Variants in TTN observed in about 807,000 individuals in gnomAD.
TTN encodes the protein connectin.
A neutral mutation model predicts 3,223.0 loss-of-function variants in TTN; 1,525 were observed. That is an observed-to-expected ratio of 0.47 (90% CI 0.45 to 0.49). The LOEUF is 0.49. Ranked by LOEUF, TTN falls within the 20% of genes least tolerant of loss-of-function variation. TTN has a pLI of 0.00. For synonymous variants in TTN, 14,094 were observed against 15,161.0 expected (o/e 0.93, Z 5.17); for missense variants, 40,786 against 43,424.0 (o/e 0.94, Z 5.40).
rs1005851436 is a variant in TTN at position 178,768,567 on chromosome 2, G to T, written c.9163+106C>A. Reference sequence around the variant, plus strand: ...TTTTATTGCTGAATGATATCCCATCGTATGGCTATCCCACATTTTATTTAT... The same window carrying T: ...TTTTATTGCTGAATGATATCCCATCTTATGGCTATCCCACATTTTATTTAT... On this transcript the variant is annotated intron_variant, in intron 38 of 362. Coordinates refer to ENST00000589042, the MANE Select transcript of TTN (RefSeq NM_001267550.2). 3.3e-6 allele frequency: 5 copies of T among 1,502,306 alleles called. No individual in the cohort carries two copies. In the South Asian group the frequency reaches 6.0e-5, roughly 18 times the overall value. 93.1% of individuals were successfully genotyped at this position (1,502,306 alleles called of 1,614,324 possible). A position where few individuals can be genotyped will look rare whatever the true frequency, so the allele number is the denominator to read the frequency against.
At position 178,715,222 on chromosome 2, in the gene TTN, A is replaced by G. The variant is rs759578526; in HGVS notation, c.25964T>C (p.Leu8655Pro). 2 of 1,613,534 alleles carry G rather than the reference A, an allele frequency of 1.2e-6. No homozygotes were observed. Among genetic ancestry groups the G allele is most frequent in the Non-Finnish European group, 1.7e-6 (2 of 1,179,642 alleles). The change falls in exon 90 of 363, where the codon CTG (leucine) becomes CCG (proline). Residue 8655 changes from leucine (L) to proline (P), a missense_variant. Physicochemically the swap from Leu to Pro is moderately conservative, Grantham distance 98. Transcript: ENST00000589042. ...FRKKPHPIET[L>P]KGADVHLECE... ...TTCAAGGTGAACATCAGCTCCTTTC[A>G]GTGTCTCTATAGGATGAGGCTTTTT...
Position 178,785,889 on chromosome 2 carries a change from T to C in TTN, c.2329A>G (p.Ile777Val). Reference sequence around the variant, plus strand: ...ATTCCCTTTTGATCAGTAGTTTTGATATGAGTCTCAGAAGGAGCCTGGATT... The same window carrying C: ...ATTCCCTTTTGATCAGTAGTTTTGACATGAGTCTCAGAAGGAGCCTGGATT... ...RVIQAPSETH[I>V]KTTDQKGMHI... The change falls in exon 14 of 363, where the codon ATC becomes GTC. Residue 777 changes from isoleucine to valine, a missense_variant. Physicochemically the swap from Ile to Val is conservative, Grantham distance 29. Coordinates refer to ENST00000589042, the MANE Select transcript of TTN (RefSeq NM_001267550.2). 1 of 1,614,130 alleles carries C rather than the reference T, an allele frequency of 6.2e-7. No homozygotes were observed. The highest frequency in any genetic ancestry group is 1.3e-5 in the African/African-American group (1 of 75,062).
chr2:178,527,148 A>T lies in TTN; in HGVS notation c.107840T>A (p.Ile35947Asn), dbSNP rs281864928. 18 of 1,613,844 alleles carry T rather than the reference A, an allele frequency of 1.1e-5. No homozygotes were observed. The highest frequency in any genetic ancestry group is 1.5e-5 in the Non-Finnish European group (18 of 1,179,890). ...GGTTGTCAGGTCATCTGTGTTTTCA[A>T]TGTGGAACCTCCCCTGTTCTTGACT... ...IHSQEQGRFH[I>N]ENTDDLTTLI... The change falls in exon 363 of 363, where the codon ATT becomes AAT. Residue 35947 changes from isoleucine (I) to asparagine (N), a missense_variant. Coordinates refer to ENST00000589042, the MANE Select transcript of TTN (RefSeq NM_001267550.2).
At chr2:178,619,114 A>G in intron 250 of TTN, 1 of 524,504 alleles carries the variant, frequency 1.9e-6, no homozygotes, top group South Asian at 2.4e-5. Flanking sequence ...ATAGTAACAT[A>G]GGACTCAGTG....
intron 34 of TTN, 27 bp from the exon 35 acceptor site, chr2:178,770,702 G>T: frequency 6.2e-7 from 1 of 1,604,192 alleles, no homozygotes; most frequent in Non-Finnish European, 8.5e-7. Context: ...GATTGGGTTA[G>T]AAAATATAGA....
chr2:178,745,871 A>C (rs934903781), intron 47 of TTN: 22 of 1,612,538 alleles, frequency 1.4e-5, no homozygotes, highest in Non-Finnish European at 1.9e-5. Flanking sequence ...AGGCCCTTCC[A>C]CCACCTGAAA....
rs532561921 is a variant in TTN at position 178,796,660 on chromosome 2, G to T, written c.915-1408C>A. On this transcript the variant is annotated intron_variant, in intron 6 of 362. Coordinates refer to ENST00000589042, the MANE Select transcript of TTN (RefSeq NM_001267550.2). ...TCCACTAACTGAAGAAAAGCAAAGA[G>T]ACATGTGCTTTTAAGTTTCACCCTG... Among the ~76,000 whole-genome samples, 3 of 152,264 alleles carry T rather than the reference G, an allele frequency of 2.0e-5. No homozygotes were observed. The South Asian group carries it at 6.2e-4, about 32-fold the overall frequency.
rs370960330 is a variant in TTN, at chr2:178,664,533, C to T, written c.36207G>A (p.Pro12069=). 3.0e-5 allele frequency: 48 copies of T among 1,611,078 alleles called. No individual in the cohort carries two copies. The highest frequency in any genetic ancestry group is 6.7e-5 in the East Asian group (3 of 44,866). Residue 12069 remains proline, a synonymous_variant, in exon 168 of 363, where the codon CCG becomes CCA. Coordinates refer to ENST00000589042, the MANE Select transcript of TTN (RefSeq NM_001267550.2). ...RKPEVLPDEV[P]EALREVVPEK... is the part of the protein sequence containing the mutation. Reference sequence around the variant, plus strand: ...CCGGGACAACTTCTCTGAGAGCCTCCGGCACTTTGAAGATATTAATAATTT... The same window carrying T: ...CCGGGACAACTTCTCTGAGAGCCTCTGGCACTTTGAAGATATTAATAATTT...
In TTN at chr2:178,558,224, T is replaced by C. The variant is rs1702249366; in HGVS notation, c.87130A>G (p.Ile29044Val). 1 of 1,605,280 alleles carries C rather than the reference T, an allele frequency of 6.2e-7. No homozygotes were observed. The highest frequency in any genetic ancestry group is 1.3e-5 in the African/African-American group (1 of 74,256). Reference sequence around the variant, plus strand: ...TGACTTGGGAAATTCTTCATATCAATTTCAGGTGGTTCTGAAAAATGAGTA... The same window carrying C: ...TGACTTGGGAAATTCTTCATATCAACTTCAGGTGGTTCTGAAAAATGAGTA... The part of the protein sequence containing the change: ...LIKEQLEPPE[I>V]DMKNFPSHTV... The change falls in exon 328 of 363, where the codon ATT (isoleucine) becomes GTT (valine). Residue 29044 changes from isoleucine (I) to valine (V), a missense_variant. Transcript: ENST00000589042.
chr2:178,794,327 T>C (rs1036906977), intron 8 of TTN, 72 bp downstream of exon 8: 3 of 1,602,590 alleles, frequency 1.9e-6, no homozygotes, highest in African/African-American at 2.7e-5. Context: ...CCAAGCTCAG[T>C]GGATGGTGGT....
Position 178,749,402 on chromosome 2 carries a change from A to AT in TTN, c.11311+3721dup, listed in dbSNP as rs397517806. ...TGAAGCACCATGCACAAATCTGGGA[A>AT]TTTTTTCTCTAGAAGGTATGCAACG... On this transcript the variant is annotated intron_variant, in intron 47 of 362. Coordinates refer to ENST00000589042, the MANE Select transcript of TTN (RefSeq NM_001267550.2). 8.1e-6 allele frequency: 13 copies of AT among 1,612,850 alleles called. No individual in the cohort carries two copies. Among genetic ancestry groups the AT allele is most frequent in the Middle Eastern group, 3.3e-4 (2 of 6,074 alleles).
At chr2:178,559,028 T>C (rs1702604886) in intron 326 of TTN, 2 of 284,362 alleles carry the variant, frequency 7.0e-6, no homozygotes, top group Non-Finnish European at 1.3e-5. Context: ...TCTGTGTATA[T>C]ATATATATAA....
Position 178,527,124 on chromosome 2 carries a change from G to T in TTN, c.107864C>A (p.Thr35955Asn), listed in dbSNP as rs370267738. The change falls in exon 363 of 363, where the codon ACC becomes AAC. Residue 35955 changes from threonine to asparagine, a missense_variant. Transcript: ENST00000589042. ...TTTCTGTACGTCCATGATGATCAGGGTTGTCAGGTCATCTGTGTTTTCAAT... is the reference window on the plus strand; with the variant it reads ...TTTCTGTACGTCCATGATGATCAGGTTTGTCAGGTCATCTGTGTTTTCAAT... Reference protein sequence around the residue: ...FHIENTDDLTTLIIMDVQKQD... With the variant: ...FHIENTDDLTNLIIMDVQKQD... 7.4e-6 allele frequency: 12 copies of T among 1,613,842 alleles called. No homozygotes were observed. Among genetic ancestry groups the T allele is most frequent in the Admixed American group, 1.7e-5 (1 of 59,996 alleles).
intron 132 of TTN, 48 bp downstream of exon 132, chr2:178,684,282 G>A (rs760275275): frequency 5.5e-5 from 87 of 1,581,986 alleles, no homozygotes; most frequent in Non-Finnish European, 7.5e-5. Context: ...ATTTGGTAAA[G>A]AGAGTAGGGC....
chr2:178,603,953 C>G lies in TTN; in HGVS notation c.54734G>C (p.Arg18245Thr). 2 of 1,612,632 alleles carry G rather than the reference C, an allele frequency of 1.2e-6. No individual in the cohort carries two copies. The highest frequency in any genetic ancestry group is 2.2e-5 in the East Asian group (1 of 44,740). ...TCCTGCAGCATTTATTGCCATGGCT[C>G]TGAACTGGTATTTAACGCCTTCAAG... ...RLLEGVKYQF[R>T]AMAINAAGIG... is the part of the protein sequence containing the mutation. Residue 18245 changes from arginine to threonine, a missense_variant, in exon 282 of 363, where the codon AGA (arginine) becomes ACA (threonine). Transcript: ENST00000589042.
rs368391123 is a variant in TTN at position 178,775,450 on chromosome 2, T to C, written c.6414A>G (p.Ile2138Met). ...WPEDNVCELV[I>M]RDVTAEDSAS... ...CAGAGTCCTCAGCAGTCACATCTCT[T>C]ATGACCAATTCACAAACATTGTCTT... The change falls in exon 28 of 363, where the codon ATA becomes ATG. Residue 2138 changes from isoleucine to methionine, a missense_variant. Transcript: ENST00000589042. The C allele has an allele frequency of 1.9e-6, 3 of 1,613,922 alleles. No individual in the cohort carries two copies. In the African/African-American group the frequency reaches 4.0e-5, roughly 22 times the overall value.
intron 111 of TTN, among the ~76,000 whole-genome samples, chr2:178,699,906 T>C (rs547095657): frequency 1.4e-5 from 2 of 145,644 alleles, no homozygotes; most frequent in African/African-American, 5.1e-5. Context: ...TTTTTGTATT[T>C]TTAGTAGAGA....
Position 178,556,843 on chromosome 2 carries a change from C to T in TTN, c.88306+5G>A. ...ATTTTGATTCAAAGTGCTAAGCATG[C>T]TTACCATAAGAATCGATGCAAGTAA... On this transcript the variant is annotated splice_donor_5th_base_variant and intron_variant, in intron 330 of 362. Transcript: ENST00000589042. 1 of 1,612,970 alleles carries T rather than the reference C, an allele frequency of 6.2e-7. No homozygotes were observed. Among genetic ancestry groups the T allele is most frequent in the Non-Finnish European group, 8.5e-7 (1 of 1,179,724 alleles).
chr2:178,567,678 C>T lies in TTN; in HGVS notation c.78454G>A (p.Gly26152Ser), dbSNP rs781374181. Reference sequence around the variant, plus strand: ...TCATATCTTTGATCTTCAGTAAGACCTGACACAGTAAATTGAGTTTCAATG... The same window carrying T: ...TCATATCTTTGATCTTCAGTAAGACTTGACACAGTAAATTGAGTTTCAATG... ...NVIETQFTVS[G>S]LTEDQRYEFR... Residue 26152 changes from glycine to serine, a missense_variant, in exon 326 of 363, where the codon GGT (glycine) becomes AGT (serine). Coordinates refer to ENST00000589042, the MANE Select transcript of TTN (RefSeq NM_001267550.2). 1.9e-6 allele frequency: 3 copies of T among 1,612,400 alleles called. No homozygotes were observed. Among genetic ancestry groups the T allele is most frequent in the Non-Finnish European group, 2.5e-6 (3 of 1,178,930 alleles).
Sources: allele counts gnomAD v4.1 joint callset (sites outside exome capture counted in the v4.1 genomes callset), GRCh38; gene constraint gnomAD v4.1.1; transcripts MANE v1.5; gene names NCBI Gene and HGNC (gene_info 2026-07-23, HGNC 2026-07-21).